Variants in RRAGC observed in about 807,000 individuals in gnomAD.
RRAGC encodes the protein ras-related GTP-binding protein C.
In RRAGC, 8 loss-of-function variants were observed where a neutral mutation model predicts 37.1. The observed-to-expected ratio is 0.22, with a 90% CI of 0.13 to 0.39. The LOEUF (loss-of-function observed/expected upper bound fraction) is 0.39. RRAGC is among the 10% of genes least tolerant of loss of function. The pLI, the probability that RRAGC is intolerant of heterozygous loss-of-function variation, is 1.00. For synonymous variants in RRAGC, 190 were observed against 181.1 expected, an observed-to-expected ratio of 1.05 and a Z score of -0.39; for missense variants, 342 against 497.6, an observed-to-expected ratio of 0.69 and a Z score of 2.98.
chr1:38,852,620 T>C, intron 3 of RRAGC, 132 bp from the exon 4 acceptor site: 1 of 530,346 alleles, frequency 1.9e-6, no homozygotes, highest in Non-Finnish European at 3.4e-6. Context: ...TTATCTTGTC[T>C]ACCATACCCA....
Position 38,838,640 on chromosome 1 carries a change from AG to A in RRAGC, c.*912del, listed in dbSNP as rs1641912612. On this transcript the variant is annotated 3_prime_UTR_variant, in exon 7 of 7. Transcript: ENST00000373001. ...GTGCTCACTCCAACTCCCAGTGGAC[AG>A]TCCCCCAATGCCTTAGGGTCACTCG... 2.0e-5 allele frequency: 3 copies of A among 152,274 alleles called. No individual in the cohort carries two copies. The highest frequency in any genetic ancestry group is 4.4e-5 in the Non-Finnish European group (3 of 68,050). The allele number at this position is 152,274 out of a possible 1,614,324, so 9.4% of individuals were successfully genotyped here.
At chr1:38,857,111 AC>A in intron 1 of RRAGC, 29 bp from the exon 2 acceptor site, 1 of 1,458,476 alleles carries the variant, frequency 6.9e-7, no homozygotes, top group East Asian at 2.3e-5. Flanking sequence ...CAATTTTATG[AC>A]TATTAAACTT....
chr1:38,859,313 C>T (rs574679261), intron 1 of RRAGC, 97 bp downstream of exon 1: 4 of 1,121,736 alleles, frequency 3.6e-6, no homozygotes, highest in Non-Finnish European at 5.1e-6. Flanking sequence ...AGGGACGGAG[C>T]GCAGGCGGGC....
At chr1:38,852,604 G>A (rs1394756146) in intron 3 of RRAGC, 116 bp from the exon 4 acceptor site, 2 of 580,476 alleles carry the variant, frequency 3.4e-6, no homozygotes, top group Non-Finnish European at 6.1e-6. Context: ...GTTCAATAAA[G>A]CCTCTTTATC....
At chr1:38,845,383 C>A (rs1037456743) in intron 6 of RRAGC, among the ~76,000 whole-genome samples, 3 of 152,222 alleles carry the variant, frequency 2.0e-5, no homozygotes, top group East Asian at 1.9e-4. Context: ...GAACAAAAAA[C>A]CAAATACTGC....
chr1:38,847,994 C>T (rs1033701767), intron 5 of RRAGC: 6 of 141,600 alleles, frequency 4.2e-5, no homozygotes, highest in Non-Finnish European at 6.0e-5. Flanking sequence ...GAGCTGTGTT[C>T]ACTACTGCAC....
At chr1:38,858,999 T>C (rs1177963360) in intron 1 of RRAGC, among the ~76,000 whole-genome samples, 3 of 152,226 alleles carry the variant, frequency 2.0e-5, no homozygotes, top group African/African-American at 7.2e-5. Context: ...CCTGGGGCTC[T>C]GCTGGGAATC....
intron 5 of RRAGC, chr1:38,847,257 T>C (rs1226362166): frequency 1.3e-5 from 2 of 152,244 alleles, no homozygotes; most frequent in Non-Finnish European, 2.9e-5. Flanking sequence ...GGTTTACTTT[T>C]TAAACTATTC....
chr1:38,846,950 A>C (rs1029591696), intron 5 of RRAGC: 1 of 152,026 alleles, frequency 6.6e-6, no homozygotes, highest in African/African-American at 2.4e-5. Flanking sequence ...CTAAAAAATA[A>C]AAAATAAAAA....
At chr1:38,852,510 G>C (rs752028870) in intron 3 of RRAGC, 22 bp from the exon 4 acceptor site, 2 of 1,093,516 alleles carry the variant, frequency 1.8e-6, no homozygotes, top group South Asian at 2.7e-5. Flanking sequence ...AACATAGCTT[G>C]ATTAATTTGA....
At chr1:38,858,381 C>T (rs115273572) in intron 1 of RRAGC, among the ~76,000 whole-genome samples, 2,026 of 152,198 alleles carry the variant, frequency 0.013, 33 homozygotes, top group African/African-American at 0.045. Context: ...TGGAGGAAGT[C>T]AACCTTGCCT....
At chr1:38,848,924 G>A (rs575050394) in intron 5 of RRAGC, among the ~76,000 whole-genome samples, 1 of 152,042 alleles carries the variant, frequency 6.6e-6, no homozygotes, top group Admixed American at 6.5e-5. Context: ...TTGAGTCCAG[G>A]AATTCAAGAC....
chr1:38,852,374 T>G lies in RRAGC; in HGVS notation c.756A>C (p.Ser252=). The part of the protein sequence containing the change: ...TLENLLNIFI[S]NSGIEKAFLF... Reference sequence around the variant, plus strand: ...AATTAAATATAAATTGCTCACTTACTGATATAAAGATATTTAATAGGTTTT... The same window carrying G: ...AATTAAATATAAATTGCTCACTTACGGATATAAAGATATTTAATAGGTTTT... Residue 252 remains serine, a splice_region_variant and synonymous_variant, in exon 4 of 7, where the codon TCA becomes TCC. Transcript: ENST00000373001. 1 of 1,459,354 alleles carries G rather than the reference T, an allele frequency of 6.9e-7. No homozygotes were observed. The highest frequency in any genetic ancestry group is 9.6e-7 in the Non-Finnish European group (1 of 1,040,722). The allele number at this position is 1,459,354 out of a possible 1,614,324, so 90.4% of individuals were successfully genotyped here.
Position 38,850,307 on chromosome 1 carries a change from G to A in RRAGC, c.899+1308C>T, listed in dbSNP as rs2889615. Among the ~76,000 whole-genome samples, 1,299 of 152,030 alleles carry A rather than the reference G, an allele frequency of 8.5e-3. 41 individuals are homozygous for A. The highest frequency in any genetic ancestry group is 0.058 in the Admixed American group (879 of 15,258). On this transcript the variant is annotated intron_variant, in intron 5 of 6. Coordinates refer to ENST00000373001, the MANE Select transcript of RRAGC (RefSeq NM_022157.4). ...GGGTGGATCACAAGGTCAGGAAATCGATCGAGACCATCCTGGTTAACATGG... is the reference window on the plus strand; with the variant it reads ...GGGTGGATCACAAGGTCAGGAAATCAATCGAGACCATCCTGGTTAACATGG...
At chr1:38,847,884 T>C (rs1030552193) in intron 5 of RRAGC, 3 of 152,012 alleles carry the variant, frequency 2.0e-5, no homozygotes, top group African/African-American at 7.3e-5. Context: ...TCTACAAAAA[T>C]ATCCAAAAGT....
chr1:38,840,196 T>G (rs1405859519), intron 6 of RRAGC, among the ~76,000 whole-genome samples: 1 of 147,588 alleles, frequency 6.8e-6, no homozygotes, highest in Non-Finnish European at 1.5e-5. Context: ...ATATCCACCA[T>G]CATAACGTTC....
intron 1 of RRAGC, among the ~76,000 whole-genome samples, chr1:38,857,938 C>A (rs987050097): frequency 6.6e-6 from 1 of 151,634 alleles, no homozygotes; most frequent in Non-Finnish European, 1.5e-5. Flanking sequence ...CCAGCCTGGG[C>A]GATGAGCAAG....
chr1:38,859,523 C>G lies in RRAGC; in HGVS notation c.124G>C (p.Gly42Arg). 1 of 1,547,654 alleles carries G rather than the reference C, an allele frequency of 6.5e-7. No homozygotes were observed. Among genetic ancestry groups the G allele is most frequent in the African/African-American group, 1.4e-5 (1 of 73,084 alleles). The change falls in exon 1 of 7, where the codon GGA (glycine) becomes CGA (arginine). Residue 42 changes from glycine to arginine, a missense_variant. This residue lies in a region of RRAGC where 104 missense variants were observed against 93.4 expected (regional missense o/e 1.11). Coordinates refer to ENST00000373001, the MANE Select transcript of RRAGC (RefSeq NM_022157.4). ...EEEEEAAAAGGGVGAGAGGGC... is the reference protein window; with the variant it reads ...EEEEEAAAAGRGVGAGAGGGC... ...CCGCCTGCCCCTGCCCCAACCCCTCCGCCCGCCGCCGCCGCCTCCTCTTCC... is the reference window on the plus strand; with the variant it reads ...CCGCCTGCCCCTGCCCCAACCCCTCGGCCCGCCGCCGCCGCCTCCTCTTCC...
At position 38,838,667 on chromosome 1, in the gene RRAGC, T is replaced by C. The variant is rs1024707937; in HGVS notation, c.*886A>G. The C allele has an allele frequency of 6.6e-6, 1 of 152,250 alleles. No homozygotes were observed. Among genetic ancestry groups the C allele is most frequent in the African/African-American group, 2.4e-5 (1 of 41,464 alleles). The allele number at this position is 152,250 out of a possible 1,614,324, so 9.4% of individuals were successfully genotyped here. A position where few individuals can be genotyped will look rare whatever the true frequency, so the allele number is the denominator to read the frequency against. On this transcript the variant is annotated 3_prime_UTR_variant, in exon 7 of 7. Coordinates refer to ENST00000373001, the MANE Select transcript of RRAGC (RefSeq NM_022157.4). ...TCCCCCAATGCCTTAGGGTCACTCG[T>C]GGTCAACCAAATGCAATCAAGAAGC...
Sources: gnomAD v4.1 joint callset for allele counts (sites outside exome capture counted in the v4.1 genomes callset) on GRCh38, gnomAD v4.1.1 for gene constraint, gnomAD v4.1.1 regional missense constraint, MANE v1.5 for transcripts, NCBI Gene and HGNC (gene_info 2026-07-23, HGNC 2026-07-21) for gene names.